The following MOSPD1 variants were observed in gnomAD, a reference collection of about 807,000 sequenced individuals.
The protein encoded by MOSPD1 is motile sperm domain containing 1, also known as motile sperm domain-containing protein 1.
Under a neutral mutation model 16.7 loss-of-function variants are expected in MOSPD1, and 5 were observed. The ratio of observed to expected loss-of-function variants is 0.30; its 90% CI spans 0.16 to 0.63. The LOEUF is 0.63. Ranked by LOEUF, MOSPD1 falls within the 30% of genes least tolerant of loss-of-function variation. The pLI is 0.82. For synonymous variants in MOSPD1, 67 were observed against 59.2 expected, an observed-to-expected ratio of 1.13 and a Z score of -0.61; for missense variants, 104 against 153.6, an observed-to-expected ratio of 0.68 and a Z score of 1.71.
chrX:134,888,969 T>C lies in MOSPD1; in HGVS notation c.*192A>G. 2 of 253,891 alleles carry C rather than the reference T, an allele frequency of 7.9e-6. No homozygotes were observed. Among genetic ancestry groups the C allele is most frequent in the Non-Finnish European group, 1.4e-5 (2 of 139,932 alleles). The allele number at this position is 253,891 out of a possible 1,213,427, so 20.9% of individuals were successfully genotyped here. A position where few individuals can be genotyped will look rare whatever the true frequency, so the allele number is the denominator to read the frequency against. Reference sequence around the variant, plus strand: ...TCCTAGGTGTCACTCAGAAGCATCCTTGCTGTCTGTAAAATAATGTTCTGC... The same window carrying C: ...TCCTAGGTGTCACTCAGAAGCATCCCTGCTGTCTGTAAAATAATGTTCTGC... On this transcript the variant is annotated 3_prime_UTR_variant, in exon 6 of 6. Coordinates refer to ENST00000370783, the MANE Select transcript of MOSPD1 (RefSeq NM_019556.3).
intron 1 of MOSPD1, among the ~76,000 whole-genome samples, chrX:134,912,493 G>C (rs2082977047): frequency 9.3e-6 from 1 of 107,348 alleles, no homozygotes; most frequent in African/African-American, 3.4e-5. Context: ...TTTTCTTTTT[G>C]AGACAGGGTC....
intron 4 of MOSPD1, among the ~76,000 whole-genome samples, chrX:134,892,381 A>T (rs1013991150): frequency 9.8e-5 from 11 of 112,096 alleles, no homozygotes; most frequent in Middle Eastern, 9.1e-3. Context: ...AAATAGTCAA[A>T]CTCATAGAAG....
intron 1 of MOSPD1, among the ~76,000 whole-genome samples, chrX:134,903,206 G>T (rs2082921191): frequency 9.1e-6 from 1 of 109,372 alleles, no homozygotes; most frequent in Admixed American, 9.8e-5. Flanking sequence ...GGCTAAATCA[G>T]GTATCTATCT....
chrX:134,910,188 T>C (rs756617886), intron 1 of MOSPD1, among the ~76,000 whole-genome samples: 1 of 111,636 alleles, frequency 9.0e-6, no homozygotes, highest in South Asian at 3.7e-4. Context: ...CAGGATCACC[T>C]GAGGTTAGGA....
At chrX:134,893,991 T>G (rs1389567926) in intron 4 of MOSPD1, among the ~76,000 whole-genome samples, 1 of 112,082 alleles carries the variant, frequency 8.9e-6, no homozygotes, top group Non-Finnish European at 1.9e-5. Flanking sequence ...AAGATTCAGA[T>G]GTATCTTTTA....
intron 5 of MOSPD1, among the ~76,000 whole-genome samples, chrX:134,890,563 C>T (rs1286120171): frequency 1.8e-5 from 2 of 110,807 alleles, no homozygotes; most frequent in African/African-American, 6.6e-5. Context: ...AATCCTAGCA[C>T]TTTGGGAGGC....
intron 5 of MOSPD1, 73 bp downstream of exon 5, chrX:134,891,405 AT>A: frequency 9.7e-7 from 1 of 1,031,602 alleles, no homozygotes; most frequent in Non-Finnish European, 1.3e-6. Context: ...AAAAAAAAAA[AT>A]CAAACCACCA....
Position 134,898,785 on chromosome X carries a change from G to A in MOSPD1, c.230+305C>T, listed in dbSNP as rs2082898117. Among the ~76,000 whole-genome samples, 2 of 111,688 alleles carry A rather than the reference G, an allele frequency of 1.8e-5. 1 individual carries two copies. Among genetic ancestry groups the A allele is most frequent in the African/African-American group, 6.5e-5 (2 of 30,771 alleles). ...AGCTAAATCCCCTATTATAGCTGGAGAAATTTAAAGGAATAAGTCAGAACT... is the reference window on the plus strand; with the variant it reads ...AGCTAAATCCCCTATTATAGCTGGAAAAATTTAAAGGAATAAGTCAGAACT... On this transcript the variant is annotated intron_variant, in intron 3 of 5. Transcript: ENST00000370783.
At chrX:134,909,973 G>A (rs1422321286) in intron 1 of MOSPD1, among the ~76,000 whole-genome samples, 3 of 111,434 alleles carry the variant, frequency 2.7e-5, no homozygotes, top group Non-Finnish European at 5.6e-5. Flanking sequence ...TTTACAACCC[G>A]GTTATAATTA....
intron 1 of MOSPD1, among the ~76,000 whole-genome samples, chrX:134,910,225 C>T (rs780224277): frequency 3.8e-4 from 42 of 110,943 alleles, no homozygotes; most frequent in African/African-American, 1.2e-3. Flanking sequence ...GCCAACATGG[C>T]GAATCCTCAT....
At chrX:134,903,084 T>G (rs2082920655) in intron 1 of MOSPD1, among the ~76,000 whole-genome samples, 1 of 109,171 alleles carries the variant, frequency 9.2e-6, no homozygotes, top group Non-Finnish European at 1.9e-5. Context: ...AAATTTGGCA[T>G]CACAAAATTA....
chrX:134,888,175 G>C lies in MOSPD1; in HGVS notation c.*986C>G, dbSNP rs1603254227. ...AAGAAATGTAAATAGTTGTGCTTAGGGGACTTTTTTGGCAAAGTTGTCTTA... is the reference window on the plus strand; with the variant it reads ...AAGAAATGTAAATAGTTGTGCTTAGCGGACTTTTTTGGCAAAGTTGTCTTA... On this transcript the variant is annotated 3_prime_UTR_variant, in exon 6 of 6. Coordinates refer to ENST00000370783, the MANE Select transcript of MOSPD1 (RefSeq NM_019556.3). 9.0e-6 allele frequency: 1 copy of C among 111,705 alleles called. No homozygotes were observed. Among genetic ancestry groups the C allele is most frequent in the East Asian group, 2.8e-4 (1 of 3,581 alleles). 9.2% of individuals were successfully genotyped at this position (111,705 alleles called of 1,213,427 possible).
Position 134,889,112 on chromosome X carries a change from T to G in MOSPD1, c.*49A>C, listed in dbSNP as rs2082848887. The G allele has an allele frequency of 9.4e-7, 1 of 1,064,992 alleles. No individual in the cohort carries two copies. The highest frequency in any genetic ancestry group is 2.1e-5 in the South Asian group (1 of 48,206). The allele number at this position is 1,064,992 out of a possible 1,213,427, so 87.8% of individuals were successfully genotyped here. ...AAATAGAGATAAAAGGCAGTCCACA[T>G]TCATATTTTCAAGACAGATTTACTT... On this transcript the variant is annotated 3_prime_UTR_variant, in exon 6 of 6. Transcript: ENST00000370783.
rs1275838404 is a variant in MOSPD1, at chrX:134,888,993, G to A, written c.*168C>T. The A allele has an allele frequency of 1.8e-5, 5 of 273,442 alleles. No homozygotes were observed. Among genetic ancestry groups the A allele is most frequent in the Non-Finnish European group, 3.2e-5 (5 of 154,797 alleles). The allele number at this position is 273,442 out of a possible 1,213,427, so 22.5% of individuals were successfully genotyped here. On this transcript the variant is annotated 3_prime_UTR_variant, in exon 6 of 6. Coordinates refer to ENST00000370783, the MANE Select transcript of MOSPD1 (RefSeq NM_019556.3). ...CTTGCTGTCTGTAAAATAATGTTCT[G>A]CAGTCCTTCAAATTAAATTATAATT...
At chrX:134,911,719 T>C (rs2082972686) in intron 1 of MOSPD1, among the ~76,000 whole-genome samples, 5 of 112,309 alleles carry the variant, frequency 4.5e-5, no homozygotes. Context: ...CAATGAAATT[T>C]TGAACCTGGA....
At chrX:134,900,274 C>G (rs777746000) in intron 1 of MOSPD1, among the ~76,000 whole-genome samples, 3 of 112,133 alleles carry the variant, frequency 2.7e-5, no homozygotes, top group Non-Finnish European at 5.6e-5. Flanking sequence ...AAAATAAACA[C>G]AAAGTAAGTT....
rs766483097 is a variant in MOSPD1 at position 134,898,184 on chromosome X, C to T, written c.230+906G>A. Among the ~76,000 whole-genome samples, 9 of 111,886 alleles carry T rather than the reference C, an allele frequency of 8.0e-5. No individual in the cohort carries two copies. The South Asian group carries it at 3.3e-3, about 41-fold the overall frequency. The stretch of plus-strand genomic sequence containing the variant: ...GTGAGCCACTGCACCCAGCCAAACA[C>T]TGTAATTCTTATGGGTTTTCTGCAA... On this transcript the variant is annotated intron_variant, in intron 3 of 5. Transcript: ENST00000370783.
chrX:134,896,802 A>G lies in MOSPD1; in HGVS notation c.448+15T>C. ...GTAAGACCTCAAAAGGGCTTTAAAA[A>G]CAACCCAAAACTACCTGGTTGAAAC... On this transcript the variant is annotated intron_variant, in intron 4 of 5. Transcript: ENST00000370783. 8.4e-7 allele frequency: 1 copy of G among 1,187,965 alleles called. No homozygotes were observed.
At chrX:134,898,994 T>G (rs912496563) in intron 3 of MOSPD1, 96 bp downstream of exon 3, 1 of 777,690 alleles carries the variant, frequency 1.3e-6, no homozygotes. Flanking sequence ...AATGCCTATG[T>G]GAGAACAGCT....
Sources: gnomAD v4.1 joint callset for allele counts (sites outside exome capture counted in the v4.1 genomes callset) on GRCh38, gnomAD v4.1.1 for gene constraint, MANE v1.5 for transcripts, NCBI Gene and HGNC (gene_info 2026-07-23, HGNC 2026-07-21) for gene names.